Variants in LSR observed in about 807,000 individuals in gnomAD.
The protein encoded by LSR is lipolysis-stimulated lipoprotein receptor.
LSR carries 44 observed loss-of-function variants against 61.8 expected under a neutral mutation model. The ratio of observed to expected loss-of-function variants is 0.71; its 90% CI spans 0.56 to 0.91. The LOEUF is 0.91. Among genes scored for constraint, LSR ranks in the 40% least tolerant of loss-of-function variants. The probability of loss-of-function intolerance (pLI) is 0.00; values close to 1 mark genes in which losing one functional copy is unlikely to be tolerated. For missense variants in LSR, 911 were observed against 830.5 expected (o/e 1.10, Z -1.19); for synonymous variants, 397 against 350.6 (o/e 1.13, Z -1.48).
rs769009051 is a variant in LSR at position 35,267,570 on chromosome 19, C to T, written c.1606C>T (p.Leu536Phe). 4 of 1,612,252 alleles carry T rather than the reference C, an allele frequency of 2.5e-6. No individual in the cohort carries two copies. The highest frequency in any genetic ancestry group is 8.5e-7 in the Non-Finnish European group (1 of 1,179,776). Residue 536 changes from leucine (L) to phenylalanine (F), a missense_variant, in exon 9 of 10, where the codon CTC becomes TTC. Coordinates refer to ENST00000605618, the MANE Select transcript of LSR (RefSeq NM_205834.4). ...GGACAACGGCTCCAGGTCCGGGGACCTCCCCTATGATGGGCGGCTACTGGA... is the reference window on the plus strand; with the variant it reads ...GGACAACGGCTCCAGGTCCGGGGACTTCCCCTATGATGGGCGGCTACTGGA... ...PRDNGSRSGD[L>F]PYDGRLLEEA...
At position 35,267,466 on chromosome 19, in the gene LSR, C is replaced by A. The variant is rs756146384; in HGVS notation, c.1502C>A (p.Pro501His). The A allele has an allele frequency of 6.2e-7, 1 of 1,610,940 alleles. No homozygotes were observed. The highest frequency in any genetic ancestry group is 1.1e-5 in the South Asian group (1 of 90,900). The change falls in exon 9 of 10, where the codon CCC becomes CAC. Residue 501 changes from proline (P) to histidine (H), a missense_variant. Transcript: ENST00000605618. Reference protein sequence around the residue: ...DSRDFPRSRDPHYDDFRSRER... With the variant: ...DSRDFPRSRDHHYDDFRSRER... ...AGGGACTTCCCACGCTCCCGGGACCCCCACTACGACGACTTCAGGTCTCGG... is the reference window on the plus strand; with the variant it reads ...AGGGACTTCCCACGCTCCCGGGACCACCACTACGACGACTTCAGGTCTCGG...
intron 3 of LSR, among the ~76,000 whole-genome samples, chr19:35,259,884 CG>C (rs2065904545): frequency 6.6e-6 from 1 of 152,236 alleles, no homozygotes; most frequent in African/African-American, 2.4e-5. Context: ...GCGGGGTGTC[CG>C]TGTGGCTGGG....
rs750644993 is a variant in LSR at position 35,267,886 on chromosome 19, ATTT to A, written c.*36_*38del. On this transcript the variant is annotated 3_prime_UTR_variant, in exon 10 of 10. Transcript: ENST00000605618. ...CTGACGTTTTCTACGTAGCTTTTGTATTTTTTTTTTTAATTTGAAGGAACACTG... is the reference window on the plus strand; with the variant it reads ...CTGACGTTTTCTACGTAGCTTTTGTATTTTTTTTAATTTGAAGGAACACTG... 1.4e-5 allele frequency: 18 copies of A among 1,322,268 alleles called. No homozygotes were observed. Among genetic ancestry groups the A allele is most frequent in the Admixed American group, 3.9e-5 (2 of 51,776 alleles). The allele number at this position is 1,322,268 out of a possible 1,614,324, so 81.9% of individuals were successfully genotyped here.
At chr19:35,249,277 C>A (rs2065759414) in intron 1 of LSR, 146 bp downstream of exon 1, 5 of 1,001,930 alleles carry the variant, frequency 5.0e-6, no homozygotes, top group Non-Finnish European at 4.2e-6. Flanking sequence ...CGATCTGTTG[C>A]GCGCGGGAGT....
intron 2 of LSR, among the ~76,000 whole-genome samples, chr19:35,252,986 A>C (rs1310695390): frequency 6.6e-6 from 1 of 152,090 alleles, no homozygotes; most frequent in Non-Finnish European, 1.5e-5. Flanking sequence ...GTGCCACTGC[A>C]TTCCAGCCTG....
chr19:35,252,126 G>A (rs903982608), intron 2 of LSR, among the ~76,000 whole-genome samples: 3 of 151,798 alleles, frequency 2.0e-5, no homozygotes, highest in African/African-American at 4.8e-5. Context: ...GAGCCACCGC[G>A]CCCGGCCCCT....
rs1301496206 is a variant in LSR at position 35,267,836 on chromosome 19, A to G, written c.1783A>G (p.Ser595Gly). The G allele has an allele frequency of 6.2e-7, 1 of 1,613,080 alleles. No individual in the cohort carries two copies. The highest frequency in any genetic ancestry group is 8.5e-7 in the Non-Finnish European group (1 of 1,179,844). Residue 595 changes from serine to glycine, a missense_variant, in exon 10 of 10, where the codon AGT becomes GGT. Coordinates refer to ENST00000605618, the MANE Select transcript of LSR (RefSeq NM_205834.4). The stretch of plus-strand genomic sequence containing the variant: ...TTCTCCCTTGCAGAACTTGGCCCTG[A>G]GTCGGGAAAGTTTAGTCGTCTGATC... ...ERRLKKNLALSRESLVV is the reference protein window; with the variant it reads ...ERRLKKNLALGRESLVV
intron 3 of LSR, among the ~76,000 whole-genome samples, chr19:35,260,438 C>T (rs1436113387): frequency 6.6e-6 from 1 of 151,550 alleles, no homozygotes; most frequent in Non-Finnish European, 1.5e-5. Context: ...ACTACAGGCA[C>T]CCGCCACCAC....
intron 4 of LSR, 120 bp downstream of exon 4, chr19:35,262,101 A>G (rs2065937484): frequency 2.2e-6 from 2 of 930,132 alleles, no homozygotes; most frequent in African/African-American, 3.5e-5. Flanking sequence ...CCCCTCACTA[A>G]CCTGGCCTGA....
At chr19:35,259,128 C>T (rs1599598787) in intron 3 of LSR, 64 bp downstream of exon 3, 1 of 1,567,814 alleles carries the variant, frequency 6.4e-7, no homozygotes, top group Admixed American at 1.7e-5. Context: ...TCTGTCTGCC[C>T]TCCCCTGTGT....
chr19:35,262,813 T>C, intron 5 of LSR, 121 bp downstream of exon 5: 1 of 1,281,654 alleles, frequency 7.8e-7, no homozygotes, highest in Non-Finnish European at 1.1e-6. Context: ...ATTTAGCCAG[T>C]GGGGAGAAAG....
At position 35,267,581 on chromosome 19, in the gene LSR, T is replaced by C. The variant is rs1015061984; in HGVS notation, c.1617T>C (p.Asp539=). ...CCAGGTCCGGGGACCTCCCCTATGA[T>C]GGGCGGCTACTGGAGGAGGCTGTGA... ...NGSRSGDLPY[D]GRLLEEAVRK... The change falls in exon 9 of 10, where the codon GAT becomes GAC. Residue 539 remains aspartate, a synonymous_variant. Coordinates refer to ENST00000605618, the MANE Select transcript of LSR (RefSeq NM_205834.4). 5 of 1,612,096 alleles carry C rather than the reference T, an allele frequency of 3.1e-6. No homozygotes were observed. The highest frequency in any genetic ancestry group is 1.6e-4 in the Middle Eastern group (1 of 6,062).
rs555338097 is a variant in LSR, at chr19:35,254,135, C to G, written c.454+3476C>G. ...GTTGTTGTTGTTTTTTTTCTGTTGC[C>G]CAGGCTGGAGTGCAGTGGTGCAATC... is the stretch of plus-strand genomic sequence containing the variant. On this transcript the variant is annotated intron_variant, in intron 2 of 9. Transcript: ENST00000605618. Among the ~76,000 whole-genome samples, 12 of 152,188 alleles carry G rather than the reference C, an allele frequency of 7.9e-5. 1 individual carries two copies. In the South Asian group the frequency reaches 2.5e-3, roughly 32 times the overall value.
Position 35,267,508 on chromosome 19 carries a change from A to G in LSR, c.1544A>G (p.Asp515Gly). The G allele has an allele frequency of 6.2e-7, 1 of 1,610,960 alleles. No homozygotes were observed. Among genetic ancestry groups the G allele is most frequent in the Non-Finnish European group, 8.5e-7 (1 of 1,179,576 alleles). Reference sequence around the variant, plus strand: ...AGGTCTCGGGAGCGCCCTCCTGCCGACCCCAGGTCCCACCACCACCGTACC... The same window carrying G: ...AGGTCTCGGGAGCGCCCTCCTGCCGGCCCCAGGTCCCACCACCACCGTACC... ...DFRSRERPPA[D>G]PRSHHHRTRD... The change falls in exon 9 of 10, where the codon GAC (aspartate) becomes GGC (glycine). Residue 515 changes from aspartate (D) to glycine (G), a missense_variant. Asp to Gly is a moderately conservative substitution (Grantham distance 94, BLOSUM62 -1). Coordinates refer to ENST00000605618, the MANE Select transcript of LSR (RefSeq NM_205834.4).
intron 5 of LSR, chr19:35,264,059 AC>A (rs1295911362): frequency 1.3e-5 from 2 of 151,768 alleles, no homozygotes; most frequent in African/African-American, 4.8e-5. Flanking sequence ...GCTCCCCCGC[AC>A]CCCTACCTTG....
intron 2 of LSR, among the ~76,000 whole-genome samples, chr19:35,253,034 A>G (rs1184035709): frequency 6.6e-6 from 1 of 150,726 alleles, no homozygotes; most frequent in Non-Finnish European, 1.5e-5. Flanking sequence ...ATGAAAAGAA[A>G]ATAGGCTGGG....
chr19:35,249,276 G>A (rs2065759378), intron 1 of LSR, 145 bp downstream of exon 1: 2 of 1,007,386 alleles, frequency 2.0e-6, no homozygotes, highest in Non-Finnish European at 2.8e-6. Context: ...GCGATCTGTT[G>A]CGCGCGGGAG....
chr19:35,259,826 G>T (rs1254944537), intron 3 of LSR, among the ~76,000 whole-genome samples: 1 of 152,250 alleles, frequency 6.6e-6, no homozygotes, highest in Non-Finnish European at 1.5e-5. Context: ...CACTGTGTAA[G>T]TTTGAGTGCA....
In LSR at chr19:35,266,983, G is replaced by C. The variant is rs771587803; in HGVS notation, c.1144+16G>C. 6.3e-7 allele frequency: 1 copy of C among 1,598,724 alleles called. No individual in the cohort carries two copies. The highest frequency in any genetic ancestry group is 2.2e-5 in the East Asian group (1 of 44,840). ...GTGGAGCGGGGTAAGCAGGAGCCTTGGGGTCTGAGGGCTTTTAAGGTGGGG... is the reference window on the plus strand; with the variant it reads ...GTGGAGCGGGGTAAGCAGGAGCCTTCGGGTCTGAGGGCTTTTAAGGTGGGG... On this transcript the variant is annotated intron_variant, in intron 8 of 9. Coordinates refer to ENST00000605618, the MANE Select transcript of LSR (RefSeq NM_205834.4).
Sources: gnomAD v4.1 joint callset for allele counts (sites outside exome capture counted in the v4.1 genomes callset) on GRCh38, gnomAD v4.1.1 for gene constraint, MANE v1.5 for transcripts, NCBI Gene and HGNC (gene_info 2026-07-23, HGNC 2026-07-21) for gene names.